Variants in FOXM1 observed in about 807,000 individuals in gnomAD.
FOXM1 encodes forkhead box M1.
A neutral mutation model predicts 63.6 loss-of-function variants in FOXM1; 25 were observed. The observed-to-expected ratio is 0.39, with a 90% CI of 0.29 to 0.55. The LOEUF (loss-of-function observed/expected upper bound fraction) is 0.55. Ranked by LOEUF, FOXM1 falls within the 20% of genes least tolerant of loss-of-function variation. FOXM1 has a pLI of 0.60. For missense variants in FOXM1, 879 were observed against 958.7 expected (o/e 0.92, Z 1.10); for synonymous variants, 387 against 376.9 (o/e 1.03, Z -0.31).
At chr12:2,871,526 T>G (rs1301363632) in intron 3 of FOXM1, among the ~76,000 whole-genome samples, 2 of 151,904 alleles carry the variant, frequency 1.3e-5, no homozygotes, top group Non-Finnish European at 2.9e-5. Flanking sequence ...TGCACCAAGC[T>G]GGCAAGTCCC....
At position 2,873,267 on chromosome 12, in the gene FOXM1, C is replaced by G. The variant is rs189808435; in HGVS notation, c.502+710G>C. 2.7e-4 allele frequency among the ~76,000 whole-genome samples: 41 copies of G among 151,684 alleles called. No homozygotes were observed. The South Asian group carries it at 8.2e-3, about 30-fold the overall frequency. On this transcript the variant is annotated intron_variant, in intron 2 of 8. Coordinates refer to ENST00000359843, the MANE Select transcript of FOXM1 (RefSeq NM_021953.4). ...TACCAAAATTAGCCAGGTGTGGTGG[C>G]GGGTGCCTGTAATCCCAGCTACTCA...
At position 2,874,322 on chromosome 12, in the gene FOXM1, A is replaced by C; in HGVS notation, c.157T>G (p.Ser53Ala). The C allele has an allele frequency of 6.2e-7, 1 of 1,614,072 alleles. No homozygotes were observed. Among genetic ancestry groups the C allele is most frequent in the Non-Finnish European group, 8.5e-7 (1 of 1,180,012 alleles). ...QAEASKEVAESNSCKFPAGIK... is the reference protein window; with the variant it reads ...QAEASKEVAEANSCKFPAGIK... Reference sequence around the variant, plus strand: ...CCAGCTGGAAACTTGCAAGAGTTGGACTCTGCCACTTCCTTGGAGGCCTCT... The same window carrying C: ...CCAGCTGGAAACTTGCAAGAGTTGGCCTCTGCCACTTCCTTGGAGGCCTCT... The change falls in exon 2 of 9, where the codon TCC (serine) becomes GCC (alanine). Residue 53 changes from serine to alanine, a missense_variant. Transcript: ENST00000359843. This position sits in a 1 kb window ranked among gnomAD's most constrained non-coding sequence, Gnocchi z 4.3.
chr12:2,858,463 C>A lies in FOXM1; in HGVS notation c.*175G>T, dbSNP rs1300591542. The A allele has an allele frequency of 3.4e-6, 2 of 591,582 alleles. No individual in the cohort carries two copies. Among genetic ancestry groups the A allele is most frequent in the Non-Finnish European group, 5.9e-6 (2 of 337,840 alleles). 36.6% of individuals were successfully genotyped at this position (591,582 alleles called of 1,614,324 possible). ...AGGAATCAGATACTCTTGGGGAACA[C>A]AAGGTCCCAGCAGTGGCTAGGGTGT... On this transcript the variant is annotated 3_prime_UTR_variant, in exon 9 of 9. Transcript: ENST00000359843.
chr12:2,872,228 G>A lies in FOXM1; in HGVS notation c.522C>T (p.Gly174=). Reference sequence around the variant, plus strand: ...TGGATAGGCTATTGTTGATAGTGCAGCCTGCTGCCTCACCATCTGCTAGAG... The same window carrying A: ...TGGATAGGCTATTGTTGATAGTGCAACCTGCTGCCTCACCATCTGCTAGAG... ...RETCADGEAA[G]CTINNSLSNI... is the part of the protein sequence containing the mutation. Residue 174 remains glycine, a synonymous_variant, in exon 3 of 9, where the codon GGC becomes GGT. Coordinates refer to ENST00000359843, the MANE Select transcript of FOXM1 (RefSeq NM_021953.4). This position sits in a 1 kb window ranked among gnomAD's most constrained non-coding sequence, Gnocchi z 4.0. 3 of 1,614,198 alleles carry A rather than the reference G, an allele frequency of 1.9e-6. No homozygotes were observed. Among genetic ancestry groups the A allele is most frequent in the Non-Finnish European group, 2.5e-6 (3 of 1,180,046 alleles).
chr12:2,872,008 TG>T lies in FOXM1; in HGVS notation c.654+87del. ...AGCTAATACCAGAACTTGGAAATTCTGGTCCATCAGGCCACTTGATCCATTT... is the reference window on the plus strand; with the variant it reads ...AGCTAATACCAGAACTTGGAAATTCTGTCCATCAGGCCACTTGATCCATTT... On this transcript the variant is annotated intron_variant, in intron 3 of 8. Coordinates refer to ENST00000359843, the MANE Select transcript of FOXM1 (RefSeq NM_021953.4). This position sits in a 1 kb window ranked among gnomAD's most constrained non-coding sequence, Gnocchi z 4.0. 2.2e-6 allele frequency: 3 copies of T among 1,372,536 alleles called. No individual in the cohort carries two copies. The highest frequency in any genetic ancestry group is 2.1e-6 in the Non-Finnish European group (2 of 964,120). 85.0% of individuals were successfully genotyped at this position (1,372,536 alleles called of 1,614,324 possible).
At chr12:2,863,315 G>C (rs534829938) in intron 8 of FOXM1, among the ~76,000 whole-genome samples, 165 of 152,258 alleles carry the variant, frequency 1.1e-3, no homozygotes, top group African/African-American at 3.5e-3. Flanking sequence ...TGCCAGGTAC[G>C]AACTGCATTT....
chr12:2,873,562 G>C (rs2098136899), intron 2 of FOXM1, among the ~76,000 whole-genome samples: 1 of 151,252 alleles, frequency 6.6e-6, no homozygotes, highest in African/African-American at 2.4e-5. Context: ...ATTTATTTTT[G>C]AGACCCCTTC....
At position 2,864,901 on chromosome 12, in the gene FOXM1, A is replaced by G. The variant is rs2098120382; in HGVS notation, c.1021-149T>C. ...GAGGCCAACCTGAGGGGATGGACGTAGGCGAGCAGTCTCCAAAACTGTGAT... is the reference window on the plus strand; with the variant it reads ...GAGGCCAACCTGAGGGGATGGACGTGGGCGAGCAGTCTCCAAAACTGTGAT... On this transcript the variant is annotated intron_variant, in intron 6 of 8. Coordinates refer to ENST00000359843, the MANE Select transcript of FOXM1 (RefSeq NM_021953.4). This position sits in a 1 kb window ranked among gnomAD's most constrained non-coding sequence, Gnocchi z 5.1. 3.4e-5 allele frequency: 27 copies of G among 790,796 alleles called. No individual in the cohort carries two copies. In the South Asian group the frequency reaches 3.8e-4, roughly 11 times the overall value. The allele number at this position is 790,796 out of a possible 1,614,324, so 49.0% of individuals were successfully genotyped here.
intron 8 of FOXM1, among the ~76,000 whole-genome samples, chr12:2,862,321 G>A (rs1304973597): frequency 6.6e-6 from 1 of 152,064 alleles, no homozygotes. Flanking sequence ...GATAAAATAT[G>A]CAAGAAAGCA....
In FOXM1 at chr12:2,874,662, A is replaced by G; in HGVS notation, c.-47-137T>C. 1.6e-6 allele frequency: 1 copy of G among 628,250 alleles called. No individual in the cohort carries two copies. Among genetic ancestry groups the G allele is most frequent in the East Asian group, 2.6e-5 (1 of 37,802 alleles). The allele number at this position is 628,250 out of a possible 1,614,324, so 38.9% of individuals were successfully genotyped here. On this transcript the variant is annotated intron_variant, in intron 1 of 8. Transcript: ENST00000359843. This position sits in a 1 kb window ranked among gnomAD's most constrained non-coding sequence, Gnocchi z 4.3. The stretch of plus-strand genomic sequence containing the variant: ...AGGTAAACATTCCATGGACTTTTGT[A>G]AAGACCTCAGATAATAAGGAGATAA...
At chr12:2,873,540 CCTT>C (rs138855902) in intron 2 of FOXM1, among the ~76,000 whole-genome samples, 1,826 of 151,792 alleles carry the variant, frequency 0.012, 36 homozygotes, top group African/African-American at 0.041. Context: ...TAGTGAGACC[CCTT>C]CTTCATTTAT....
At chr12:2,875,154 G>A (rs1006080028) in intron 1 of FOXM1, among the ~76,000 whole-genome samples, 5 of 151,920 alleles carry the variant, frequency 3.3e-5, no homozygotes, top group Non-Finnish European at 7.4e-5. Context: ...CACCACGCCC[G>A]GCTAGTTTTT....
Position 2,858,617 on chromosome 12 carries a change from C to T in FOXM1, c.*21G>A. ...TGCCCGGGATGGTGGACAGCTTGAG[C>T]ACAGGGGCAAGGGCAGGGCTCTACT... On this transcript the variant is annotated 3_prime_UTR_variant, in exon 9 of 9. Transcript: ENST00000359843. 6.2e-7 allele frequency: 1 copy of T among 1,603,250 alleles called. No individual in the cohort carries two copies. Among genetic ancestry groups the T allele is most frequent in the African/African-American group, 1.3e-5 (1 of 74,876 alleles).
Position 2,858,880 on chromosome 12 carries a change from G to A in FOXM1, c.2050C>T (p.Leu684Phe), listed in dbSNP as rs2098099704. The A allele has an allele frequency of 1.9e-6, 3 of 1,614,128 alleles. No homozygotes were observed. Among genetic ancestry groups the A allele is most frequent in the South Asian group, 1.1e-5 (1 of 91,082 alleles). ...QRLLSSEPLDLISVPFGNSSP... is the reference protein window; with the variant it reads ...QRLLSSEPLDFISVPFGNSSP... Reference sequence around the variant, plus strand: ...GAGTTGCCAAAGGGGACGGAGATGAGGTCTAAGGGTTCTGAACTGAGGAGC... The same window carrying A: ...GAGTTGCCAAAGGGGACGGAGATGAAGTCTAAGGGTTCTGAACTGAGGAGC... The change falls in exon 9 of 9, where the codon CTC becomes TTC. Residue 684 changes from leucine to phenylalanine, a missense_variant. Transcript: ENST00000359843.
Position 2,857,879 on chromosome 12 carries a change from CATT to C in FOXM1, c.*756_*758del, listed in dbSNP as rs2098093471. The C allele has an allele frequency of 6.6e-6, 1 of 152,326 alleles. No homozygotes were observed. Among genetic ancestry groups the C allele is most frequent in the Non-Finnish European group, 1.5e-5 (1 of 68,108 alleles). 9.4% of individuals were successfully genotyped at this position (152,326 alleles called of 1,614,324 possible). Reference sequence around the variant, plus strand: ...CCAGTCTCCCTGGTATGATTGGGGACATTATCAGAGAAACATCTAATAGCGCAC... The same window carrying C: ...CCAGTCTCCCTGGTATGATTGGGGACATCAGAGAAACATCTAATAGCGCAC... On this transcript the variant is annotated 3_prime_UTR_variant, in exon 9 of 9. Transcript: ENST00000359843.
intron 3 of FOXM1, among the ~76,000 whole-genome samples, chr12:2,871,211 G>GAA (rs905399256): frequency 9.9e-5 from 15 of 150,794 alleles, no homozygotes; most frequent in African/African-American, 2.7e-4. Flanking sequence ...TAAAAGTTGA[G>GAA]AAAAAAAAGA....
rs1414193610 is a variant in FOXM1 at position 2,876,951 on chromosome 12, C to A, written c.-79G>T. The A allele has an allele frequency of 2.0e-5, 3 of 152,228 alleles. No homozygotes were observed. The highest frequency in any genetic ancestry group is 4.4e-5 in the Non-Finnish European group (3 of 68,120). 9.4% of individuals were successfully genotyped at this position (152,228 alleles called of 1,614,324 possible). A position where few individuals can be genotyped will look rare whatever the true frequency, so the allele number is the denominator to read the frequency against. ...ACTGCAGTCGCCGCCGCCGTTAGGC[C>A]GTAGCTCCGAAGGCGGGCTCCGGGC... On this transcript the variant is annotated 5_prime_UTR_variant, in exon 1 of 9. Transcript: ENST00000359843.
At position 2,864,072 on chromosome 12, in the gene FOXM1, C is replaced by G; in HGVS notation, c.1266+248G>C. ...CTTAATAATCCTAGCCCATCTATCA[C>G]AATCACTTTTGTCTGAATTCTTACA... On this transcript the variant is annotated intron_variant, in intron 8 of 8. Coordinates refer to ENST00000359843, the MANE Select transcript of FOXM1 (RefSeq NM_021953.4). The surrounding 1 kb of genome is among the most constrained non-coding windows in gnomAD (Gnocchi z 5.1). 2.2e-6 allele frequency: 1 copy of G among 456,190 alleles called. No individual in the cohort carries two copies. The highest frequency in any genetic ancestry group is 4.0e-6 in the Non-Finnish European group (1 of 253,102). The allele number at this position is 456,190 out of a possible 1,614,324, so 28.3% of individuals were successfully genotyped here. A position where few individuals can be genotyped will look rare whatever the true frequency, so the allele number is the denominator to read the frequency against.
At chr12:2,876,742 G>A (rs2098144952) in intron 1 of FOXM1, among the ~76,000 whole-genome samples, 178 bp downstream of exon 1, 1 of 152,214 alleles carries the variant, frequency 6.6e-6, no homozygotes, top group Non-Finnish European at 1.5e-5. Context: ...AGAAGGCCAC[G>A]GCCAGGAGGT....
Sources: gnomAD v4.1 joint callset for allele counts (sites outside exome capture counted in the v4.1 genomes callset) on GRCh38, gnomAD v4.1.1 for gene constraint, Gnocchi (gnomAD v3.1) non-coding constraint, MANE v1.5 for transcripts, NCBI Gene and HGNC (gene_info 2026-07-23, HGNC 2026-07-21) for gene names.